FOXP4: variants seen among roughly 807,000 people sequenced by gnomAD.
FOXP4 encodes the protein forkhead box protein P4.
Under a neutral mutation model 82.6 loss-of-function variants are expected in FOXP4, and 25 were observed. The observed-to-expected ratio is 0.30, with a 90% CI of 0.22 to 0.42. The LOEUF (loss-of-function observed/expected upper bound fraction) is 0.42, where lower values mean the gene tolerates loss of function less well. Ranked by LOEUF, FOXP4 falls within the 10% of genes least tolerant of loss-of-function variation. FOXP4 has a pLI of 1.00. For synonymous variants in FOXP4, 415 were observed against 388.2 expected (o/e 1.07, Z -0.81); for missense variants, 785 against 900.9 (o/e 0.87, Z 1.65).
Position 41,587,812 on chromosome 6 carries a change from C to G in FOXP4, c.892C>G (p.Pro298Ala). ...TCCCAGCTCTTCCCACGAGGAGACCCCCGGCTCCCACCCCCTGTACGGACA... is the reference window on the plus strand; with the variant it reads ...TCCCAGCTCTTCCCACGAGGAGACCGCCGGCTCCCACCCCCTGTACGGACA... Reference protein sequence around the residue: ...RRDSSSHEETPGSHPLYGHGE... With the variant: ...RRDSSSHEETAGSHPLYGHGE... Residue 298 changes from proline to alanine, a missense_variant, in exon 8 of 17, where the codon CCC (proline) becomes GCC (alanine). By Grantham distance (27) the Pro-to-Ala change is conservative. Transcript: ENST00000307972. 6.4e-7 allele frequency: 1 copy of G among 1,566,654 alleles called. No homozygotes were observed.
chr6:41,548,841 T>C (rs1381261735), intron 1 of FOXP4, among the ~76,000 whole-genome samples: 1 of 148,652 alleles, frequency 6.7e-6, no homozygotes, highest in Non-Finnish European at 1.5e-5. Context: ...TTTTTTTTTT[T>C]TTTTCAACTT....
At chr6:41,554,546 T>G (rs1764171106) in intron 1 of FOXP4, among the ~76,000 whole-genome samples, 1 of 152,156 alleles carries the variant, frequency 6.6e-6, no homozygotes, top group Non-Finnish European at 1.5e-5. Flanking sequence ...GAATCTAGTG[T>G]GGGACAGTGT....
chr6:41,581,231 G>A (rs780584158), intron 3 of FOXP4, among the ~76,000 whole-genome samples: 2 of 152,184 alleles, frequency 1.3e-5, no homozygotes, highest in African/African-American at 2.4e-5. Context: ...TCCCCACATT[G>A]CCCCCCACTC....
chr6:41,564,251 C>T (rs1051019136), intron 1 of FOXP4, among the ~76,000 whole-genome samples: 4 of 152,054 alleles, frequency 2.6e-5, no homozygotes, highest in South Asian at 2.1e-4. Flanking sequence ...GCCAGGAGTT[C>T]GAGACCAGCC....
chr6:41,583,453 G>C (rs1483015306), intron 3 of FOXP4, among the ~76,000 whole-genome samples: 2 of 152,184 alleles, frequency 1.3e-5, no homozygotes, highest in Admixed American at 6.5e-5. Context: ...TCACAGCCTA[G>C]GACAAGTCCC....
chr6:41,554,232 G>C (rs1227570544), intron 1 of FOXP4, among the ~76,000 whole-genome samples: 1 of 152,184 alleles, frequency 6.6e-6, no homozygotes, highest in East Asian at 1.9e-4. Context: ...TGAAATGCTG[G>C]CCATAAGGGC....
intron 1 of FOXP4, among the ~76,000 whole-genome samples, chr6:41,562,540 C>T (rs914213195): frequency 6.6e-6 from 1 of 152,158 alleles, no homozygotes; most frequent in Non-Finnish European, 1.5e-5. Flanking sequence ...CATCCTCCTC[C>T]TTCCTTCTTT....
intron 1 of FOXP4, among the ~76,000 whole-genome samples, chr6:41,553,727 T>C (rs1050014421): frequency 4.6e-5 from 7 of 152,148 alleles, no homozygotes; most frequent in Admixed American, 2.6e-4. Context: ...TGCACCCTAG[T>C]TGGGGACAGA....
intron 7 of FOXP4, 60 bp from the exon 8 acceptor site, chr6:41,587,733 C>A: frequency 8.3e-7 from 1 of 1,206,040 alleles, no homozygotes; most frequent in Non-Finnish European, 1.2e-6. Context: ...GCTCAGCTGA[C>A]TACAGGGCCG....
intron 16 of FOXP4, among the ~76,000 whole-genome samples, chr6:41,598,471 C>A (rs1201318649): frequency 6.6e-6 from 1 of 152,096 alleles, no homozygotes; most frequent in East Asian, 1.9e-4. Flanking sequence ...ACTGGCCTCG[C>A]CCTCCCAAAA....
chr6:41,596,861 G>T (rs867701029), intron 14 of FOXP4, among the ~76,000 whole-genome samples: 2 of 152,104 alleles, frequency 1.3e-5, no homozygotes, highest in African/African-American at 4.8e-5. Flanking sequence ...CGGGTGGGGG[G>T]GCAGCATGCT....
intron 1 of FOXP4, among the ~76,000 whole-genome samples, chr6:41,552,964 A>G (rs1392323416): frequency 3.3e-5 from 5 of 152,142 alleles, no homozygotes; most frequent in African/African-American, 1.2e-4. Flanking sequence ...CTAACTGTAC[A>G]GTGGGTGAAG....
intron 13 of FOXP4, among the ~76,000 whole-genome samples, chr6:41,592,477 C>T: frequency 6.6e-6 from 1 of 152,198 alleles, no homozygotes; most frequent in East Asian, 1.9e-4. Context: ...TCTGAGCCAG[C>T]AGGGCTTGCT....
At position 41,568,487 on chromosome 6, in the gene FOXP4, G is replaced by A. The variant is rs1313636240; in HGVS notation, c.204+2523G>A. On this transcript the variant is annotated intron_variant, in intron 2 of 16. Transcript: ENST00000307972. ...CGCTGTGGGAAATGGAGGCAGCGAG[G>A]CCTCGAGCATAGTGGATGCTAAGGA... is the stretch of plus-strand genomic sequence containing the variant. Among the ~76,000 whole-genome samples the A allele has an allele frequency of 2.0e-5, 3 of 152,210 alleles. No individual in the cohort carries two copies. In the East Asian group the frequency reaches 5.8e-4, roughly 29 times the overall value.
intron 14 of FOXP4, among the ~76,000 whole-genome samples, 186 bp from the exon 15 acceptor site, chr6:41,596,990 G>A (rs1466517183): frequency 1.3e-5 from 2 of 152,154 alleles, no homozygotes; most frequent in Admixed American, 6.5e-5. Context: ...AGGGCCAGTT[G>A]AGCGTGAAGA....
chr6:41,578,604 T>C (rs1765629172), intron 3 of FOXP4, among the ~76,000 whole-genome samples: 1 of 151,296 alleles, frequency 6.6e-6, no homozygotes, highest in African/African-American at 2.4e-5. Context: ...TTGATGTCTC[T>C]CTGTCTCTTT....
At chr6:41,568,054 T>C (rs941355638) in intron 2 of FOXP4, among the ~76,000 whole-genome samples, 1 of 152,246 alleles carries the variant, frequency 6.6e-6, no homozygotes, top group Non-Finnish European at 1.5e-5. Flanking sequence ...AAATAGTCCA[T>C]GGGCTATTCC....
At chr6:41,551,594 G>GT (rs1197332861) in intron 1 of FOXP4, among the ~76,000 whole-genome samples, 1 of 152,186 alleles carries the variant, frequency 6.6e-6, no homozygotes, top group Non-Finnish European at 1.5e-5. Context: ...TCCTGCTGCA[G>GT]TTCTGATGGT....
At chr6:41,571,502 A>C (rs1176383230) in intron 2 of FOXP4, among the ~76,000 whole-genome samples, 1 of 152,158 alleles carries the variant, frequency 6.6e-6, no homozygotes, top group Non-Finnish European at 1.5e-5. Context: ...CTTGGTAGGG[A>C]AGGCGTCCTG....
Sources: gnomAD v4.1 joint callset for allele counts (sites outside exome capture counted in the v4.1 genomes callset) on GRCh38, gnomAD v4.1.1 for gene constraint, MANE v1.5 for transcripts, NCBI Gene and HGNC (gene_info 2026-07-23, HGNC 2026-07-21) for gene names.